KCNH3: variants seen among roughly 807,000 people sequenced by gnomAD.
KCNH3 encodes voltage-gated inwardly rectifying potassium channel KCNH3.
Under a neutral mutation model 95.6 loss-of-function variants are expected in KCNH3, and 36 were observed. The ratio of observed to expected loss-of-function variants is 0.38; its 90% CI spans 0.29 to 0.50. The LOEUF is 0.50. KCNH3 is among the 20% of genes least tolerant of loss of function. The pLI, the probability that KCNH3 is intolerant of heterozygous loss-of-function variation, is 0.95. For synonymous variants in KCNH3, 620 were observed against 646.3 expected, an observed-to-expected ratio of 0.96 and a Z score of 0.62; for missense variants, 1,030 against 1,484.1, an observed-to-expected ratio of 0.69 and a Z score of 5.03.
At position 49,543,789 on chromosome 12, in the gene KCNH3, G is replaced by A; in HGVS notation, c.824-126G>A. On this transcript the variant is annotated intron_variant, in intron 5 of 14. Coordinates refer to ENST00000257981, the MANE Select transcript of KCNH3 (RefSeq NM_012284.3). ...GATGTCTACCTGTTACAGTTACTGT[G>A]AGAACTAAGACGATGTATGGGAAGG... The A allele has an allele frequency of 2.3e-6, 3 of 1,287,108 alleles. No homozygotes were observed. The South Asian group carries it at 4.2e-5, about 18-fold the overall frequency. The allele number at this position is 1,287,108 out of a possible 1,614,324, so 79.7% of individuals were successfully genotyped here.
At chr12:49,552,952 A>G (rs548686481) in intron 10 of KCNH3, among the ~76,000 whole-genome samples, 29 of 152,302 alleles carry the variant, frequency 1.9e-4, no homozygotes, top group Admixed American at 1.6e-3. Flanking sequence ...AGTTGGAGCA[A>G]AAGTCCAGGA....
chr12:49,555,228 CAGG>C (rs1938393529), intron 11 of KCNH3, among the ~76,000 whole-genome samples: 1 of 146,190 alleles, frequency 6.8e-6, no homozygotes, highest in Non-Finnish European at 1.5e-5. Flanking sequence ...ATCACGAGGT[CAGG>C]AGATCAAGAC....
intron 2 of KCNH3, 85 bp downstream of exon 2, chr12:49,541,217 C>T: frequency 1.0e-6 from 1 of 969,950 alleles, no homozygotes. Flanking sequence ...CTCCTCCTTT[C>T]TGTTGCCATC....
At chr12:49,552,236 G>A (rs1251716573) in intron 10 of KCNH3, among the ~76,000 whole-genome samples, 3 of 152,166 alleles carry the variant, frequency 2.0e-5, no homozygotes, top group Admixed American at 2.0e-4. Context: ...GTGTGGCTGG[G>A]AGCTGGCACA....
chr12:49,540,801 G>GAAAACC (rs1317719492), intron 1 of KCNH3, 98 bp from the exon 2 acceptor site: 47 of 966,704 alleles, frequency 4.9e-5, no homozygotes, highest in Non-Finnish European at 6.4e-5. Context: ...CTGGGGTTTG[G>GAAAACC]AAAACCCACT....
At chr12:49,556,575 T>C in intron 13 of KCNH3, 99 bp downstream of exon 13, 7 of 887,450 alleles carry the variant, frequency 7.9e-6, no homozygotes, top group South Asian at 6.9e-5. Context: ...TTAGAGAAAC[T>C]GGCAGACTGC....
intron 3 of KCNH3, 106 bp from the exon 4 acceptor site, chr12:49,542,600 T>G: frequency 2.3e-6 from 3 of 1,320,382 alleles, no homozygotes; most frequent in Non-Finnish European, 3.0e-6. Context: ...AAGTGGTCAA[T>G]GAGCCAGACC....
Position 49,539,633 on chromosome 12 carries a change from G to A in KCNH3, c.76+141G>A. On this transcript the variant is annotated intron_variant, in intron 1 of 14. Transcript: ENST00000257981. This position sits in a 1 kb window ranked among gnomAD's most constrained non-coding sequence, Gnocchi z 6.7. ...CCTACCCGCCCCTCTTGAGGCTGGGGCCATCGTCTCCTGCTAGGCGCTGTT... is the reference window on the plus strand; with the variant it reads ...CCTACCCGCCCCTCTTGAGGCTGGGACCATCGTCTCCTGCTAGGCGCTGTT... The A allele has an allele frequency of 1.4e-6, 1 of 702,936 alleles. No individual in the cohort carries two copies. Among genetic ancestry groups the A allele is most frequent in the Non-Finnish European group, 2.3e-6 (1 of 436,296 alleles). The allele number at this position is 702,936 out of a possible 1,614,324, so 43.5% of individuals were successfully genotyped here.
chr12:49,550,719 A>T (rs1488135945), intron 10 of KCNH3, among the ~76,000 whole-genome samples: 1 of 152,200 alleles, frequency 6.6e-6, no homozygotes, highest in Non-Finnish European at 1.5e-5. Flanking sequence ...GTGGTCCCCC[A>T]GGAACAGTGA....
chr12:49,552,262 T>C (rs1565780465), intron 10 of KCNH3, among the ~76,000 whole-genome samples: 1 of 152,218 alleles, frequency 6.6e-6, no homozygotes, highest in Non-Finnish European at 1.5e-5. Flanking sequence ...TCTCAGAGCA[T>C]GCCTTTGCTG....
chr12:49,548,819 G>A, intron 7 of KCNH3, 76 bp from the exon 8 acceptor site: 1 of 1,431,432 alleles, frequency 7.0e-7, no homozygotes, highest in South Asian at 1.4e-5. Context: ...CTGTGTCTGC[G>A]TGTCCCCACC....
rs1237397977 is a variant in KCNH3 at position 49,557,085 on chromosome 12, C to G, written c.2576-98C>G. ...AGATGATCCTAGGAGTCAGGTCCTACCAGGTCAATGTGCTCTAACTGGGGC... is the reference window on the plus strand; with the variant it reads ...AGATGATCCTAGGAGTCAGGTCCTAGCAGGTCAATGTGCTCTAACTGGGGC... On this transcript the variant is annotated intron_variant, in intron 13 of 14. Transcript: ENST00000257981. 7.6e-6 allele frequency: 9 copies of G among 1,181,370 alleles called. No individual in the cohort carries two copies. The South Asian group carries it at 7.7e-5, about 10-fold the overall frequency. 73.2% of individuals were successfully genotyped at this position (1,181,370 alleles called of 1,614,324 possible). A position where few individuals can be genotyped will look rare whatever the true frequency, so the allele number is the denominator to read the frequency against.
At chr12:49,541,547 C>G in intron 2 of KCNH3, 83 bp from the exon 3 acceptor site, 1 of 1,518,544 alleles carries the variant, frequency 6.6e-7, no homozygotes, top group Non-Finnish European at 9.0e-7. Context: ...GTGTCTTGCC[C>G]GGGATGTCAG....
At chr12:49,541,859 C>A in intron 3 of KCNH3, 95 bp downstream of exon 3, 1 of 1,361,078 alleles carries the variant, frequency 7.3e-7, no homozygotes, top group Non-Finnish European at 1.0e-6. Context: ...CCCCCATGCA[C>A]CTGCATTCAT....
chr12:49,548,624 T>G (rs528657892), intron 7 of KCNH3, among the ~76,000 whole-genome samples: 7 of 152,274 alleles, frequency 4.6e-5, no homozygotes, highest in African/African-American at 1.7e-4. Flanking sequence ...GCCCTCCGAC[T>G]GGGCCCGTTA....
intron 7 of KCNH3, 70 bp from the exon 8 acceptor site, chr12:49,548,825 C>T: frequency 1.4e-5 from 21 of 1,454,086 alleles, no homozygotes; most frequent in Non-Finnish European, 1.9e-5. Flanking sequence ...CTGCGTGTCC[C>T]CACCCCCAGG....
intron 7 of KCNH3, among the ~76,000 whole-genome samples, chr12:49,547,385 C>T (rs151177529): frequency 1.3e-5 from 2 of 152,228 alleles, no homozygotes; most frequent in African/African-American, 2.4e-5. Flanking sequence ...AGGTTTGGCT[C>T]GTGCCTGTCC....
rs1937788968 is a variant in KCNH3 at position 49,539,374 on chromosome 12, C to G, written c.-43C>G. On this transcript the variant is annotated 5_prime_UTR_variant, in exon 1 of 15. Transcript: ENST00000257981. This position sits in a 1 kb window ranked among gnomAD's most constrained non-coding sequence, Gnocchi z 6.7. The stretch of plus-strand genomic sequence containing the variant: ...GGCGCCCTCCCCCGGCGCGGAGTCC[C>G]CGCACCCCGGAGGGATGGGGCGGGC... 1.4e-6 allele frequency: 2 copies of G among 1,396,992 alleles called. No homozygotes were observed. The highest frequency in any genetic ancestry group is 1.5e-5 in the African/African-American group (1 of 65,952). 86.5% of individuals were successfully genotyped at this position (1,396,992 alleles called of 1,614,324 possible). A position where few individuals can be genotyped will look rare whatever the true frequency, so the allele number is the denominator to read the frequency against.
chr12:49,556,625 G>A (rs56743994), intron 13 of KCNH3, 149 bp downstream of exon 13: 50,550 of 716,648 alleles, frequency 0.071, 2,031 homozygotes, highest in African/African-American at 0.14. Context: ...GGTGTCGTGC[G>A]GGCAGGGGAG....
Sources: gnomAD v4.1 joint callset for allele counts (sites outside exome capture counted in the v4.1 genomes callset) on GRCh38, gnomAD v4.1.1 for gene constraint, Gnocchi (gnomAD v3.1) non-coding constraint, MANE v1.5 for transcripts, NCBI Gene and HGNC (gene_info 2026-07-23, HGNC 2026-07-21) for gene names.